CNTN6: variants seen among roughly 807,000 people sequenced by gnomAD.
CNTN6 encodes the protein contactin-6.
A neutral mutation model predicts 122.8 loss-of-function variants in CNTN6; 137 were observed. The ratio of observed to expected loss-of-function variants is 1.12; its 90% CI spans 0.97 to 1.29. The LOEUF is 1.29. Ranked by LOEUF, CNTN6 falls within the 50% of genes most tolerant of loss-of-function variation. The pLI, the probability that CNTN6 is intolerant of heterozygous loss-of-function variation, is 0.00. For missense variants in CNTN6, 1,634 were observed against 1,223.4 expected, an observed-to-expected ratio of 1.34 and a Z score of -5.01; for synonymous variants, 570 against 426.0, an observed-to-expected ratio of 1.34 and a Z score of -4.16.
At chr3:1,319,639 A>G (rs265799) in intron 7 of CNTN6, among the ~76,000 whole-genome samples, 76,507 of 151,108 alleles carry the variant, frequency 0.51, 19,963 homozygotes, top group East Asian at 0.77. Flanking sequence ...AGCCTTTTCA[A>G]TTGGATACTT....
At chr3:1,361,016 A>G (rs79027468) in intron 12 of CNTN6, among the ~76,000 whole-genome samples, 2,731 of 152,218 alleles carry the variant, frequency 0.018, 36 homozygotes, top group Non-Finnish European at 0.026. Context: ...CTCCGCTTCA[A>G]TGACCAAACT....
chr3:1,155,085 T>C (rs2092933158), intron 2 of CNTN6, among the ~76,000 whole-genome samples: 1 of 152,192 alleles, frequency 6.6e-6, no homozygotes, highest in Admixed American at 6.5e-5. Context: ...TCTGGGTAAG[T>C]AGTAGCTTAT....
intron 2 of CNTN6, among the ~76,000 whole-genome samples, chr3:1,163,788 C>G (rs1384523459): frequency 6.6e-6 from 1 of 152,182 alleles, no homozygotes; most frequent in Non-Finnish European, 1.5e-5. Flanking sequence ...TCAGACACTC[C>G]AAACAAACTA....
At chr3:1,109,888 A>G (rs2091400496) in intron 1 of CNTN6, among the ~76,000 whole-genome samples, 1 of 152,028 alleles carries the variant, frequency 6.6e-6, no homozygotes, top group Admixed American at 6.6e-5. Flanking sequence ...CTTTTATTAT[A>G]ATTTTTAAGT....
intron 4 of CNTN6, among the ~76,000 whole-genome samples, chr3:1,236,802 C>A (rs1277766918): frequency 1.3e-5 from 2 of 152,088 alleles, no homozygotes; most frequent in African/African-American, 2.4e-5. Context: ...CACCAGAGAC[C>A]AGGCGCGGTG....
At chr3:1,115,142 T>C (rs1475118244) in intron 1 of CNTN6, among the ~76,000 whole-genome samples, 1 of 152,086 alleles carries the variant, frequency 6.6e-6, no homozygotes, top group African/African-American at 2.4e-5. Flanking sequence ...GAAAGACACA[T>C]AAATATAAAT....
intron 17 of CNTN6, among the ~76,000 whole-genome samples, chr3:1,382,278 G>T (rs940208760): frequency 5.3e-5 from 8 of 152,132 alleles, no homozygotes; most frequent in African/African-American, 9.7e-5. Flanking sequence ...GCAGAGTACA[G>T]GGGGAATATT....
intron 5 of CNTN6, among the ~76,000 whole-genome samples, chr3:1,291,455 C>T (rs569676935): frequency 6.6e-6 from 1 of 152,090 alleles, no homozygotes; most frequent in South Asian, 2.1e-4. Flanking sequence ...GCACTAGTGG[C>T]AAACTGTAAT....
At chr3:1,189,844 C>T (rs575524407) in intron 2 of CNTN6, among the ~76,000 whole-genome samples, 2 of 152,310 alleles carry the variant, frequency 1.3e-5, no homozygotes, top group African/African-American at 2.4e-5. Context: ...TGTGTTCCAT[C>T]CCCTCTTTTT....
chr3:1,199,193 T>TTTC (rs397942584), intron 2 of CNTN6, among the ~76,000 whole-genome samples: 2 of 150,440 alleles, frequency 1.3e-5, no homozygotes, highest in African/African-American at 4.9e-5. Flanking sequence ...TTTTTTTTTT[T>TTTC]CCTGAGACAA....
At chr3:1,288,672 A>G (rs184657447) in intron 5 of CNTN6, among the ~76,000 whole-genome samples, 5 of 152,374 alleles carry the variant, frequency 3.3e-5, no homozygotes, top group African/African-American at 9.6e-5. Context: ...AGTTGTCAGT[A>G]TCAATGTTTA....
At chr3:1,375,602 G>T (rs1281547753) in intron 16 of CNTN6, among the ~76,000 whole-genome samples, 1 of 152,082 alleles carries the variant, frequency 6.6e-6, no homozygotes, top group African/African-American at 2.4e-5. Context: ...CAAAGATCCT[G>T]AGATAGTGTG....
At chr3:1,302,257 C>T (rs1575615168) in intron 7 of CNTN6, among the ~76,000 whole-genome samples, 1 of 152,092 alleles carries the variant, frequency 6.6e-6, no homozygotes. Flanking sequence ...TTTTTTTCCC[C>T]AAATGTGGGG....
chr3:1,255,067 G>T (rs1007577778), intron 4 of CNTN6, among the ~76,000 whole-genome samples: 6 of 152,098 alleles, frequency 3.9e-5, no homozygotes, highest in African/African-American at 1.2e-4. Context: ...TCATGCTCCA[G>T]CCTGCTACTC....
chr3:1,307,956 CT>C (rs1698622022), intron 7 of CNTN6, among the ~76,000 whole-genome samples: 1 of 152,120 alleles, frequency 6.6e-6, no homozygotes, highest in Non-Finnish European at 1.5e-5. Context: ...TAAAATTACT[CT>C]TTTCTCCCAC....
chr3:1,402,384 C>A lies in CNTN6; in HGVS notation c.2884C>A (p.Leu962Ile). Reference protein sequence around the residue: ...ILETNNTSAELLVPFEEDYLI... With the variant: ...ILETNNTSAEILVPFEEDYLI... ...GGAAACAAACAATACATCAGCTGAG[C>A]TTCTGGTTCCATTTGAAGAAGACTA... The change falls in exon 22 of 23, where the codon CTT becomes ATT. Residue 962 changes from leucine (L) to isoleucine (I), a missense_variant. Physicochemically the swap from Leu to Ile is conservative, Grantham distance 5. Transcript: ENST00000446702. 6.2e-7 allele frequency: 1 copy of A among 1,612,450 alleles called. No homozygotes were observed. Among genetic ancestry groups the A allele is most frequent in the Non-Finnish European group, 8.5e-7 (1 of 1,178,998 alleles).
At chr3:1,124,360 C>G (rs1424120697) in intron 1 of CNTN6, among the ~76,000 whole-genome samples, 1 of 151,896 alleles carries the variant, frequency 6.6e-6, no homozygotes, top group Non-Finnish European at 1.5e-5. Context: ...GTCTTTTCCC[C>G]TCCATCTCCT....
chr3:1,352,676 G>A lies in CNTN6; in HGVS notation c.1492+225G>A, dbSNP rs533544677. On this transcript the variant is annotated intron_variant, in intron 12 of 22. Coordinates refer to ENST00000446702, the MANE Select transcript of CNTN6 (RefSeq NM_001289080.2). ...TGGCAATTGAAAATGCTGTCAGAGT[G>A]TCATTCGAGTTAAAACCTACACCTA... 8.6e-5 allele frequency among the ~76,000 whole-genome samples: 13 copies of A among 151,906 alleles called. No homozygotes were observed. The East Asian group carries it at 2.1e-3, about 25-fold the overall frequency.
intron 20 of CNTN6, among the ~76,000 whole-genome samples, chr3:1,390,732 C>G (rs1401206954): frequency 6.6e-6 from 1 of 151,812 alleles, no homozygotes; most frequent in Non-Finnish European, 1.5e-5. Flanking sequence ...ATATCACCAC[C>G]AATCCCACAG....
Sources: gnomAD v4.1 joint callset for allele counts (sites outside exome capture counted in the v4.1 genomes callset) on GRCh38, gnomAD v4.1.1 for gene constraint, MANE v1.5 for transcripts, NCBI Gene and HGNC (gene_info 2026-07-23, HGNC 2026-07-21) for gene names.